FHIT: variants seen among roughly 807,000 people sequenced by gnomAD.
FHIT encodes the protein fragile histidine triad diadenosine triphosphatase, also known as bis(5'-adenosyl)-triphosphatase.
FHIT carries 19 observed loss-of-function variants against 17.9 expected under a neutral mutation model. The observed-to-expected ratio is 1.06, with a 90% confidence interval of 0.74 to 1.56. The LOEUF (loss-of-function observed/expected upper bound fraction) is 1.56, where lower values mean the gene tolerates loss of function less well. FHIT is among the 40% of genes most tolerant of loss of function. The pLI, the probability that FHIT is intolerant of heterozygous loss-of-function variation, is 0.00. For synonymous variants in FHIT, 81 were observed against 69.7 expected (o/e 1.16, Z -0.81); for missense variants, 248 against 189.2 (o/e 1.31, Z -1.82).
chr3:60,372,217 T>C (rs1469464933), intron 5 of FHIT, among the ~76,000 whole-genome samples: 1 of 152,180 alleles, frequency 6.6e-6, no homozygotes, highest in Non-Finnish European at 1.5e-5. Flanking sequence ...GGAATATTCC[T>C]ACCTCCTTCT....
chr3:60,903,079 A>C (rs1426308796), intron 3 of FHIT, among the ~76,000 whole-genome samples: 1 of 152,208 alleles, frequency 6.6e-6, no homozygotes, highest in Non-Finnish European at 1.5e-5. Flanking sequence ...CCATTCTAAA[A>C]TATTATCTTG....
chr3:60,513,376 T>C (rs537611983), intron 5 of FHIT, among the ~76,000 whole-genome samples: 2 of 152,316 alleles, frequency 1.3e-5, no homozygotes, highest in East Asian at 3.9e-4. Flanking sequence ...AATTTCTCAC[T>C]TACAGTAAAA....
intron 3 of FHIT, among the ~76,000 whole-genome samples, chr3:60,833,069 A>T (rs1230315885): frequency 6.6e-6 from 1 of 152,208 alleles, no homozygotes; most frequent in African/African-American, 2.4e-5. Context: ...CCCCAGAAAG[A>T]TATCTTTCAA....
chr3:60,097,501 C>T (rs6794055), intron 5 of FHIT, among the ~76,000 whole-genome samples: 98,334 of 151,862 alleles, frequency 0.65, 32,691 homozygotes, highest in East Asian at 0.98. Context: ...AGCCCACTTA[C>T]ACATGGATTT....
intron 5 of FHIT, among the ~76,000 whole-genome samples, chr3:60,343,100 A>G (rs572841497): frequency 1.1e-4 from 16 of 152,294 alleles, no homozygotes; most frequent in Middle Eastern, 6.8e-3. Context: ...AATGAATTAT[A>G]CCTTCTATAC....
rs911817278 is a variant in FHIT, at chr3:61,161,362, C to T, written c.-164+39255G>A. 3.3e-5 allele frequency among the ~76,000 whole-genome samples: 5 copies of T among 151,900 alleles called. No homozygotes were observed. In the East Asian group the frequency reaches 5.8e-4, roughly 18 times the overall value. The stretch of plus-strand genomic sequence containing the variant: ...GACTACAGGTGCATGCCACCACGCC[C>T]GGCTCATTTTTTGTATTTTTAGTAG... On this transcript the variant is annotated intron_variant, in intron 2 of 9. Coordinates refer to ENST00000492590, the MANE Select transcript of FHIT (RefSeq NM_002012.4).
intron 1 of FHIT, among the ~76,000 whole-genome samples, chr3:61,230,345 G>C (rs1400290772): frequency 6.6e-6 from 1 of 152,032 alleles, no homozygotes; most frequent in Non-Finnish European, 1.5e-5. Flanking sequence ...AAAGGTGTAT[G>C]GCACCTCCCC....
intron 3 of FHIT, among the ~76,000 whole-genome samples, chr3:60,885,291 T>G (rs2107146124): frequency 6.6e-6 from 1 of 152,294 alleles, no homozygotes; most frequent in East Asian, 1.9e-4. Flanking sequence ...ATGCATGTAC[T>G]AAAGTATCAC....
intron 5 of FHIT, among the ~76,000 whole-genome samples, chr3:60,209,993 C>T (rs1037094720): frequency 2.0e-5 from 3 of 152,008 alleles, no homozygotes; most frequent in African/African-American, 7.2e-5. Flanking sequence ...CAGCAAACCA[C>T]CATGGCACAC....
chr3:60,931,496 C>T (rs1253366052), intron 3 of FHIT, among the ~76,000 whole-genome samples: 1 of 152,056 alleles, frequency 6.6e-6, no homozygotes, highest in East Asian at 1.9e-4. Context: ...TTTCGGAGGC[C>T]CCTAATTCCA....
At chr3:60,486,352 T>A (rs181391575) in intron 5 of FHIT, among the ~76,000 whole-genome samples, 146 of 152,234 alleles carry the variant, frequency 9.6e-4, no homozygotes, top group African/African-American at 3.2e-3. Flanking sequence ...CATTATCTAG[T>A]CATAAAATAG....
At chr3:60,530,974 C>T (rs1023559616) in intron 5 of FHIT, among the ~76,000 whole-genome samples, 4 of 152,110 alleles carry the variant, frequency 2.6e-5, no homozygotes, top group African/African-American at 4.8e-5. Flanking sequence ...AAGAAAGGTC[C>T]AACTTAACAG....
At chr3:60,516,678 T>C (rs2035171493) in intron 5 of FHIT, among the ~76,000 whole-genome samples, 1 of 152,214 alleles carries the variant, frequency 6.6e-6, no homozygotes, top group Admixed American at 6.5e-5. Context: ...TAAATTAATA[T>C]TTATCAAATG....
chr3:60,006,040 G>T (rs893755242), intron 7 of FHIT, among the ~76,000 whole-genome samples: 1 of 152,092 alleles, frequency 6.6e-6, no homozygotes, highest in Non-Finnish European at 1.5e-5. Flanking sequence ...CAGAACTACC[G>T]AGTCAGCAAA....
intron 5 of FHIT, among the ~76,000 whole-genome samples, chr3:60,523,814 C>T (rs2035468331): frequency 6.6e-6 from 1 of 152,178 alleles, no homozygotes. Context: ...TTTTCATGCT[C>T]AAACCACCTG....
chr3:59,860,419 T>G (rs891277352), intron 8 of FHIT, among the ~76,000 whole-genome samples: 2 of 152,202 alleles, frequency 1.3e-5, no homozygotes, highest in African/African-American at 4.8e-5. Flanking sequence ...AGCAAACAGT[T>G]GCCATAGGGA....
intron 5 of FHIT, among the ~76,000 whole-genome samples, chr3:60,237,042 C>A (rs546183988): frequency 6.6e-6 from 1 of 152,072 alleles, no homozygotes; most frequent in African/African-American, 2.4e-5. Context: ...TTGGATATAC[C>A]AACATTTATT....
intron 4 of FHIT, among the ~76,000 whole-genome samples, chr3:60,676,579 A>G (rs1383053116): frequency 6.6e-6 from 1 of 152,208 alleles, no homozygotes; most frequent in African/African-American, 2.4e-5. Context: ...AAAAATGCCT[A>G]ATGTGTCACC....
intron 5 of FHIT, among the ~76,000 whole-genome samples, chr3:60,438,420 C>A (rs1429892278): frequency 2.6e-5 from 4 of 151,822 alleles, no homozygotes; most frequent in African/African-American, 9.7e-5. Context: ...CTCCCCAAAA[C>A]TCCCTATTGC....
Sources: gnomAD v4.1 joint callset for allele counts (sites outside exome capture counted in the v4.1 genomes callset) on GRCh38, gnomAD v4.1.1 for gene constraint, MANE v1.5 for transcripts, NCBI Gene and HGNC (gene_info 2026-07-23, HGNC 2026-07-21) for gene names.